Variants in KIF18A observed in about 807,000 individuals in gnomAD.
KIF18A encodes the protein kinesin family member 18A.
A neutral mutation model predicts 103.3 loss-of-function variants in KIF18A; 67 were observed. The observed-to-expected ratio is 0.65, with a 90% CI of 0.53 to 0.79. The LOEUF (loss-of-function observed/expected upper bound fraction) is 0.79. KIF18A is among the 30% of genes least tolerant of loss of function. KIF18A has a pLI of 0.00. For missense variants in KIF18A, 1,032 were observed against 1,062.5 expected, an observed-to-expected ratio of 0.97 and a Z score of 0.40; for synonymous variants, 367 against 355.5, an observed-to-expected ratio of 1.03 and a Z score of -0.36.
intron 11 of KIF18A, among the ~76,000 whole-genome samples, chr11:28,068,726 AT>A (rs530560678): frequency 1.3e-5 from 2 of 152,192 alleles, no homozygotes; most frequent in Non-Finnish European, 2.9e-5. Context: ...AAGGTACTGC[AT>A]TAGAAATGAA....
chr11:28,060,707 GGCTCACTGT>G (rs61291508), intron 12 of KIF18A, among the ~76,000 whole-genome samples: 13,198 of 152,078 alleles, frequency 0.087, 1,009 homozygotes, highest in East Asian at 0.36. Context: ...TGACAAGAGT[GGCTCACTGT>G]GCTTAAACTG....
chr11:28,026,612 C>T (rs1358491358), intron 15 of KIF18A, among the ~76,000 whole-genome samples: 1 of 151,702 alleles, frequency 6.6e-6, no homozygotes, highest in African/African-American at 2.4e-5. Flanking sequence ...TTTAACTTAT[C>T]TAAAATCACT....
intron 1 of KIF18A, among the ~76,000 whole-genome samples, chr11:28,101,883 A>G (rs1444810034): frequency 6.6e-6 from 1 of 152,168 alleles, no homozygotes. Context: ...TATTTTGCCC[A>G]AATTCCTATC....
Position 28,021,187 on chromosome 11 carries a change from G to T in KIF18A, c.*13C>A. ...GATTTGATCAACTTCATTTTGCTTGGTTTTGAAGTGATTTATCTTAGATTT... is the reference window on the plus strand; with the variant it reads ...GATTTGATCAACTTCATTTTGCTTGTTTTTGAAGTGATTTATCTTAGATTT... On this transcript the variant is annotated 3_prime_UTR_variant, in exon 17 of 17. Transcript: ENST00000263181. 2 of 1,490,974 alleles carry T rather than the reference G, an allele frequency of 1.3e-6. No homozygotes were observed. The highest frequency in any genetic ancestry group is 8.9e-7 in the Non-Finnish European group (1 of 1,117,356). 92.4% of individuals were successfully genotyped at this position (1,490,974 alleles called of 1,614,324 possible). A position where few individuals can be genotyped will look rare whatever the true frequency, so the allele number is the denominator to read the frequency against.
chr11:28,084,904 G>A, intron 6 of KIF18A, 96 bp from the exon 7 acceptor site: 1 of 874,820 alleles, frequency 1.1e-6, no homozygotes, highest in South Asian at 1.6e-5. Flanking sequence ...GGATTACCTA[G>A]GTGCCGAGGC....
chr11:28,037,658 T>C (rs528053563), intron 13 of KIF18A, among the ~76,000 whole-genome samples: 4 of 151,628 alleles, frequency 2.6e-5, no homozygotes, highest in African/African-American at 4.8e-5. Flanking sequence ...ACATAACTCA[T>C]AGGTTTGTAA....
At chr11:28,058,369 TG>T (rs571112618) in intron 13 of KIF18A, among the ~76,000 whole-genome samples, 3 of 150,456 alleles carry the variant, frequency 2.0e-5, no homozygotes, top group African/African-American at 7.3e-5. Context: ...ATAGATAAAA[TG>T]GGTTAGGCAC....
chr11:28,091,698 A>G (rs16917728), intron 3 of KIF18A, among the ~76,000 whole-genome samples, 185 bp from the exon 4 acceptor site: 13,285 of 152,266 alleles, frequency 0.087, 1,031 homozygotes, highest in East Asian at 0.36. Context: ...AGAAAATTGA[A>G]GAGTTTGATT....
At chr11:28,047,295 G>C (rs1332452114) in intron 13 of KIF18A, among the ~76,000 whole-genome samples, 1 of 151,980 alleles carries the variant, frequency 6.6e-6, no homozygotes, top group South Asian at 2.1e-4. Context: ...AAGAAAAAAG[G>C]AATAAACTTA....
At chr11:28,069,497 T>C (rs753180329) in intron 10 of KIF18A, 74 bp from the exon 11 acceptor site, 23 of 1,349,150 alleles carry the variant, frequency 1.7e-5, no homozygotes, top group African/African-American at 2.9e-5. Context: ...TAAACTAGTA[T>C]ATTTTCTTAT....
intron 12 of KIF18A, among the ~76,000 whole-genome samples, chr11:28,060,274 A>C (rs1850841534): frequency 6.6e-6 from 1 of 152,208 alleles, no homozygotes; most frequent in Non-Finnish European, 1.5e-5. Context: ...TGAGTCCATC[A>C]ATAGATGATG....
chr11:28,047,959 C>T (rs569095727), intron 13 of KIF18A, among the ~76,000 whole-genome samples: 65 of 152,000 alleles, frequency 4.3e-4, no homozygotes, highest in African/African-American at 1.5e-3. Context: ...ATTTAGAGCT[C>T]GTGTATGTGT....
chr11:28,103,923 T>C (rs1024927444), intron 1 of KIF18A, among the ~76,000 whole-genome samples: 1 of 152,316 alleles, frequency 6.6e-6, no homozygotes, highest in East Asian at 1.9e-4. Flanking sequence ...TCATTAAGTG[T>C]GGTTAAAATA....
intron 13 of KIF18A, among the ~76,000 whole-genome samples, chr11:28,046,458 A>G (rs959970535): frequency 1.6e-4 from 23 of 144,050 alleles, no homozygotes; most frequent in African/African-American, 5.5e-4. Context: ...AAAAAACCAA[A>G]CACCGCATAT....
chr11:28,090,068 A>G (rs1851282165), intron 5 of KIF18A, among the ~76,000 whole-genome samples: 1 of 152,208 alleles, frequency 6.6e-6, no homozygotes. Context: ...CAGATGGCAT[A>G]ATACTAAAAG....
At chr11:28,062,558 A>G in intron 11 of KIF18A, 42 bp from the exon 12 acceptor site, 1 of 1,485,218 alleles carries the variant, frequency 6.7e-7, no homozygotes, top group Non-Finnish European at 9.1e-7. Flanking sequence ...TCACTCTAAG[A>G]ATATTGAAAT....
Sources: gnomAD v4.1 joint callset for allele counts (sites outside exome capture counted in the v4.1 genomes callset) on GRCh38, gnomAD v4.1.1 for gene constraint, MANE v1.5 for transcripts, NCBI Gene and HGNC (gene_info 2026-07-23, HGNC 2026-07-21) for gene names.